Variants in PER1 observed in about 807,000 individuals in gnomAD.
PER1 encodes the protein period circadian protein homolog 1.
In PER1, 87 loss-of-function variants were observed where a neutral mutation model predicts 125.9. The ratio of observed to expected loss-of-function variants is 0.69; its 90% confidence interval spans 0.58 to 0.83. The LOEUF is 0.83. PER1 is among the 40% of genes least tolerant of loss of function. The pLI, the probability that PER1 is intolerant of heterozygous loss-of-function variation, is 0.00. For missense variants in PER1, 1,775 were observed against 1,722.8 expected (o/e 1.03, Z -0.54); for synonymous variants, 801 against 714.7 (o/e 1.12, Z -1.93).
Position 8,143,856 on chromosome 17 carries a change from G to A in PER1, c.2482C>T (p.Pro828Ser). ...GERGCHHGPA[P>S]PSRRHHCRSK... is the part of the protein sequence containing the mutation. ...CGGCAGTGGTGTCGGCGGCTTGGGG[G>A]TGCGGGGCCGTGGTGGCAGCCTGTG... Residue 828 changes from proline (P) to serine (S), a missense_variant, in exon 19 of 23, where the codon CCC (proline) becomes TCC (serine). Physicochemically the swap from Pro to Ser is moderately conservative, Grantham distance 74 (BLOSUM62 -1). Transcript: ENST00000317276. 1.2e-6 allele frequency: 2 copies of A among 1,610,966 alleles called. No homozygotes were observed. Among genetic ancestry groups the A allele is most frequent in the Non-Finnish European group, 1.7e-6 (2 of 1,179,182 alleles).
chr17:8,149,231 G>T, intron 7 of PER1, 28 bp downstream of exon 7: 1 of 1,594,336 alleles, frequency 6.3e-7, no homozygotes, highest in Non-Finnish European at 8.6e-7. Flanking sequence ...AAAGGAGGCA[G>T]AGGTCTTCTC....
chr17:8,150,872 C>CT (rs894043249), intron 1 of PER1, 27 bp from the exon 2 acceptor site: 1 of 623,010 alleles, frequency 1.6e-6, no homozygotes, highest in African/African-American at 1.8e-5. Context: ...GGAAGCAGGG[C>CT]TTGCAGAAAG....
Position 8,146,747 on chromosome 17 carries a change from G to A in PER1, c.1754C>T (p.Ala585Val). Residue 585 changes from alanine (A) to valine (V), a missense_variant, in exon 15 of 23, where the codon GCC becomes GTC. Transcript: ENST00000317276. ...TGGGGATTGGCAGGGAAGGGCCTTG[G>A]CCTTGAACGTGCCTGTAGCTGGGGC... ...PRLPATGTFKAKALPCQSPDP... is the reference protein window; with the variant it reads ...PRLPATGTFKVKALPCQSPDP... 2 of 1,613,034 alleles carry A rather than the reference G, an allele frequency of 1.2e-6. No individual in the cohort carries two copies. Among genetic ancestry groups the A allele is most frequent in the Non-Finnish European group, 8.5e-7 (1 of 1,179,638 alleles).
intron 9 of PER1, 29 bp from the exon 10 acceptor site, chr17:8,148,132 C>T (rs759146598): frequency 4.3e-6 from 7 of 1,611,842 alleles, no homozygotes; most frequent in East Asian, 4.5e-5. Context: ...TCAGAGTGGC[C>T]GTGGCCTCAG....
Position 8,144,838 on chromosome 17 carries a change from GC to G in PER1, c.2373del (p.Glu791AspfsTer125). ...AVLSLHTQKE[E>X]QAFLSRFRDL... ...TCTCGGAAGCGGCTGAGGAAGGCTT[GC>G]TCTTCCTTCTGTGTGTGCAGGGACA... is the stretch of plus-strand genomic sequence containing the variant. On this transcript the variant is annotated frameshift_variant, in exon 18 of 23. Transcript: ENST00000317276. LOFTEE classifies it high-confidence loss of function. 2 of 1,586,780 alleles carry G rather than the reference GC, an allele frequency of 1.3e-6. No individual in the cohort carries two copies. The highest frequency in any genetic ancestry group is 1.7e-6 in the Non-Finnish European group (2 of 1,165,200).
At position 8,149,479 on chromosome 17, in the gene PER1, C is replaced by G. The variant is rs557212268; in HGVS notation, c.836G>C (p.Gly279Ala). 2 of 1,613,336 alleles carry G rather than the reference C, an allele frequency of 1.2e-6. No individual in the cohort carries two copies. Among genetic ancestry groups the G allele is most frequent in the Non-Finnish European group, 1.7e-6 (2 of 1,179,530 alleles). Residue 279 changes from glycine (G) to alanine (A), a missense_variant, in exon 6 of 23, where the codon GGC becomes GCC. Transcript: ENST00000317276. Reference sequence around the variant, plus strand: ...CACCTCACCTGCTGAGGCCCCTGTGCCCCAGGTGGGCAGGCGAGATGGAGC... The same window carrying G: ...CACCTCACCTGCTGAGGCCCCTGTGGCCCAGGTGGGCAGGCGAGATGGAGC... ...STAPSRLPTWGTGASAGSGLR... is the reference protein window; with the variant it reads ...STAPSRLPTWATGASAGSGLR...
At chr17:8,151,029 G>A (rs1182555773) in intron 1 of PER1, among the ~76,000 whole-genome samples, 184 bp from the exon 2 acceptor site, 4 of 152,188 alleles carry the variant, frequency 2.6e-5, no homozygotes, top group African/African-American at 7.2e-5. Context: ...ACTGCCAGCG[G>A]GAGAAGGTTC....
intron 22 of PER1, among the ~76,000 whole-genome samples, 154 bp from the exon 23 acceptor site, chr17:8,141,494 A>T (rs980717665): frequency 1.3e-5 from 2 of 152,242 alleles, no homozygotes; most frequent in Admixed American, 6.5e-5. Context: ...ACAAGGTTGG[A>T]CAGTGCCTTG....
At chr17:8,142,213 C>G in intron 21 of PER1, 56 bp downstream of exon 21, 3 of 1,414,954 alleles carry the variant, frequency 2.1e-6, no homozygotes, top group Middle Eastern at 3.6e-4. Context: ...GAAAAGAAAA[C>G]TGCCCCCACT....
At position 8,147,007 on chromosome 17, in the gene PER1, G is replaced by A. The variant is rs3027183; in HGVS notation, c.1630-5C>T. 1.2e-6 allele frequency: 2 copies of A among 1,609,956 alleles called. No homozygotes were observed. Among genetic ancestry groups the A allele is most frequent in the African/African-American group, 1.3e-5 (1 of 74,782 alleles). ...ACAGATCTGCTGGAAAGTCACCTGT[G>A]GGACACAGCACCACAGTGAGCAGAA... On this transcript the variant is annotated splice_polypyrimidine_tract_variant and splice_region_variant and intron_variant, in intron 13 of 22. Coordinates refer to ENST00000317276, the MANE Select transcript of PER1 (RefSeq NM_002616.3).
At chr17:8,152,206 G>GA (rs56280001) in intron 1 of PER1, 131 bp downstream of exon 1, 4,253 of 152,566 alleles carry the variant, frequency 0.028, 96 homozygotes, top group Non-Finnish European at 0.045. Flanking sequence ...TGGGGGCAGG[G>GA]AGAGGGTGGG....
chr17:8,144,692 C>G (rs2289591), intron 18 of PER1, 59 bp downstream of exon 18: 15 of 1,536,894 alleles, frequency 9.8e-6, no homozygotes, highest in East Asian at 2.4e-5. Flanking sequence ...GACCCACCCC[C>G]CAACAATCCA....
rs372265489 is a variant in PER1, at chr17:8,148,648, G to A, written c.1044C>T (p.Tyr348=). The A allele has an allele frequency of 5.5e-5, 89 of 1,604,484 alleles. No homozygotes were observed. In the East Asian group the frequency reaches 5.6e-4, roughly 10 times the overall value. ...CCAGGGCCCTGACCTGCCCACCTTC[G>A]TAACCCGAATGGATGCGCTCTGCAA... ...LLIAERIHSG[Y]EAPRIPPDKR... The change falls in exon 8 of 23, where the codon TAC becomes TAT. Residue 348 remains tyrosine (Y), a synonymous_variant. Coordinates refer to ENST00000317276, the MANE Select transcript of PER1 (RefSeq NM_002616.3).
In PER1 at chr17:8,150,819, G is replaced by T; in HGVS notation, c.-113C>A. ...AGGTGGAAGATCTAAGTCTCTGAGG[G>T]TTGAGAAGTTCGATCACAGCCAGTA... On this transcript the variant is annotated 5_prime_UTR_variant, in exon 2 of 23. Coordinates refer to ENST00000317276, the MANE Select transcript of PER1 (RefSeq NM_002616.3). 9.7e-7 allele frequency: 1 copy of T among 1,026,184 alleles called. No homozygotes were observed. The highest frequency in any genetic ancestry group is 2.5e-5 in the East Asian group (1 of 39,548). 63.6% of individuals were successfully genotyped at this position (1,026,184 alleles called of 1,614,324 possible). A position where few individuals can be genotyped will look rare whatever the true frequency, so the allele number is the denominator to read the frequency against.
In PER1 at chr17:8,148,716, G is replaced by C; in HGVS notation, c.976C>G (p.Arg326Gly). ...FRLTPYVTKI[R>G]VSDGAPAQPC... ...TGTGCAGGGGCCCCATCTGAGACCC[G>C]GATCTTGGTCACATACGGGGTTAGG... The change falls in exon 8 of 23, where the codon CGG becomes GGG. Residue 326 changes from arginine to glycine, a missense_variant. Coordinates refer to ENST00000317276, the MANE Select transcript of PER1 (RefSeq NM_002616.3). 6.2e-7 allele frequency: 1 copy of C among 1,613,824 alleles called. No homozygotes were observed. The highest frequency in any genetic ancestry group is 8.5e-7 in the Non-Finnish European group (1 of 1,179,884).
At position 8,149,617 on chromosome 17, in the gene PER1, T is replaced by C; in HGVS notation, c.698A>G (p.Tyr233Cys). 1 of 1,612,036 alleles carries C rather than the reference T, an allele frequency of 6.2e-7. No individual in the cohort carries two copies. The highest frequency in any genetic ancestry group is 8.5e-7 in the Non-Finnish European group (1 of 1,178,268). The change falls in exon 6 of 23, where the codon TAC becomes TGC. Residue 233 changes from tyrosine to cysteine, a missense_variant. Tyr to Cys is a radical substitution (Grantham distance 194, BLOSUM62 -2). Coordinates refer to ENST00000317276, the MANE Select transcript of PER1 (RefSeq NM_002616.3). ...CAGGACGGCTGCCTGCTCCGAAATG[T>C]AGACGATTCGGCCCGTCAGGAAGGA... ...AVSFLTGRIV[Y>C]ISEQAAVLLR...
At chr17:8,142,151 A>G (rs966784101) in intron 21 of PER1, 118 bp downstream of exon 21, 4 of 1,113,654 alleles carry the variant, frequency 3.6e-6, no homozygotes, top group Non-Finnish European at 5.1e-6. Context: ...GGCTCCAAGG[A>G]GCAGGAAGAA....
intron 10 of PER1, 70 bp from the exon 11 acceptor site, chr17:8,147,897 A>G: frequency 6.3e-7 from 1 of 1,594,528 alleles, no homozygotes; most frequent in Non-Finnish European, 8.6e-7. Flanking sequence ...CCATGCCACT[A>G]GAGATCCAGG....
At position 8,149,632 on chromosome 17, in the gene PER1, G is replaced by A. The variant is rs1282783693; in HGVS notation, c.683C>T (p.Thr228Met). The A allele has an allele frequency of 6.2e-6, 10 of 1,611,070 alleles. No homozygotes were observed. Among genetic ancestry groups the A allele is most frequent in the East Asian group, 2.2e-5 (1 of 44,782 alleles). Residue 228 changes from threonine (T) to methionine (M), a missense_variant, in exon 6 of 23, where the codon ACG becomes ATG. Thr to Met is a moderately conservative substitution (Grantham distance 81). Transcript: ENST00000317276. ...CTCCGAAATGTAGACGATTCGGCCC[G>A]TCAGGAAGGAGACAGCCACTGAGAA... ...DTFSVAVSFLTGRIVYISEQA... is the reference protein window; with the variant it reads ...DTFSVAVSFLMGRIVYISEQA...
Sources: allele counts gnomAD v4.1 joint callset (sites outside exome capture counted in the v4.1 genomes callset), GRCh38; gene constraint gnomAD v4.1.1; transcripts MANE v1.5; gene names NCBI Gene and HGNC (gene_info 2026-07-23, HGNC 2026-07-21).